Variants in MACROD2 observed in about 807,000 individuals in gnomAD.
MACROD2 encodes mono-ADP ribosylhydrolase 2, also known as ADP-ribose glycohydrolase MACROD2.
Under a neutral mutation model 70.4 loss-of-function variants are expected in MACROD2, and 36 were observed. That is an observed-to-expected ratio of 0.51 (90% CI 0.39 to 0.68). The LOEUF is 0.68. Ranked by LOEUF, MACROD2 falls within the 30% of genes least tolerant of loss-of-function variation. MACROD2 has a pLI of 0.00. For synonymous variants in MACROD2, 172 were observed against 178.8 expected (o/e 0.96, Z 0.30); for missense variants, 496 against 538.4 (o/e 0.92, Z 0.78).
In MACROD2 at chr20:15,341,700, C is replaced by T. The variant is rs147645101; in HGVS notation, c.541-89705C>T. Among the ~76,000 whole-genome samples the T allele has an allele frequency of 7.2e-5, 11 of 152,146 alleles. No individual in the cohort carries two copies. The East Asian group carries it at 1.9e-3, about 27-fold the overall frequency. ...ATATTTCAGCTTTCCCTAGTATTGA[C>T]TAGTAGATTCTTACTGAGAAAAAAA... is the stretch of plus-strand genomic sequence containing the variant. On this transcript the variant is annotated intron_variant, in intron 6 of 17. Transcript: ENST00000684519.
chr20:14,461,414 G>A (rs1190077873), intron 3 of MACROD2, among the ~76,000 whole-genome samples: 1 of 151,192 alleles, frequency 6.6e-6, no homozygotes, highest in Non-Finnish European at 1.5e-5. Flanking sequence ...AGTTTTTCTT[G>A]TCTTTCTCTC....
intron 8 of MACROD2, among the ~76,000 whole-genome samples, chr20:15,551,030 T>G (rs2146587040): frequency 6.6e-6 from 1 of 152,340 alleles, no homozygotes; most frequent in Non-Finnish European, 1.5e-5. Flanking sequence ...TCAGATTCAC[T>G]TAAAAGAAAG....
chr20:14,882,596 A>G (rs915608346), intron 5 of MACROD2, among the ~76,000 whole-genome samples: 7 of 152,208 alleles, frequency 4.6e-5, no homozygotes, highest in African/African-American at 1.4e-4. Flanking sequence ...TGCTCCTTCC[A>G]ATAAAATGCT....
At chr20:15,562,828 G>A (rs1419367011) in intron 8 of MACROD2, among the ~76,000 whole-genome samples, 1 of 152,178 alleles carries the variant, frequency 6.6e-6, no homozygotes, top group Non-Finnish European at 1.5e-5. Flanking sequence ...AATAAGATGG[G>A]TCAGATGGAT....
chr20:14,430,577 C>T (rs2083984358), intron 3 of MACROD2, among the ~76,000 whole-genome samples: 2 of 152,114 alleles, frequency 1.3e-5, no homozygotes, highest in Admixed American at 1.3e-4. Context: ...AGAGGACGAA[C>T]ATATTTAAGT....
intron 3 of MACROD2, among the ~76,000 whole-genome samples, chr20:14,259,123 A>G (rs577457768): frequency 1.3e-5 from 2 of 152,204 alleles, no homozygotes; most frequent in African/African-American, 4.8e-5. Flanking sequence ...TTGTATTTTT[A>G]GTAGAGACGG....
chr20:14,070,727 T>C (rs1327336145), intron 2 of MACROD2, among the ~76,000 whole-genome samples: 1 of 152,166 alleles, frequency 6.6e-6, no homozygotes, highest in Non-Finnish European at 1.5e-5. Flanking sequence ...CTGATATCAT[T>C]AGACAACTTA....
At chr20:15,488,586 T>TG (rs2033060540) in intron 7 of MACROD2, among the ~76,000 whole-genome samples, 1 of 152,194 alleles carries the variant, frequency 6.6e-6, no homozygotes, top group African/African-American at 2.4e-5. Flanking sequence ...GAAGCCCCAC[T>TG]GGGGGGCTCC....
At chr20:15,775,627 A>T (rs577759115) in intron 8 of MACROD2, among the ~76,000 whole-genome samples, 1 of 152,096 alleles carries the variant, frequency 6.6e-6, no homozygotes, top group Non-Finnish European at 1.5e-5. Context: ...CCGTTTACAT[A>T]TGGAATAGCC....
At chr20:15,267,915 T>TGTTTG (rs1247279560) in intron 6 of MACROD2, among the ~76,000 whole-genome samples, 24 of 152,176 alleles carry the variant, frequency 1.6e-4, no homozygotes, top group African/African-American at 5.3e-4. Context: ...TTTGTTTGTT[T>TGTTTG]GTTTGTTTTG....
intron 3 of MACROD2, among the ~76,000 whole-genome samples, chr20:14,096,560 G>C (rs544982850): frequency 6.6e-6 from 1 of 151,832 alleles, no homozygotes; most frequent in East Asian, 1.9e-4. Flanking sequence ...GTAGAAATGG[G>C]GTTTTGCCAT....
chr20:15,680,403 A>T (rs2050144938), intron 8 of MACROD2, among the ~76,000 whole-genome samples: 1 of 152,210 alleles, frequency 6.6e-6, no homozygotes, highest in East Asian at 1.9e-4. Flanking sequence ...ACTAAACAAG[A>T]AACTATGAAG....
intron 4 of MACROD2, among the ~76,000 whole-genome samples, chr20:14,583,359 C>G (rs1237458416): frequency 2.0e-5 from 3 of 152,138 alleles, no homozygotes; most frequent in Non-Finnish European, 4.4e-5. Flanking sequence ...ACTCCCCAGC[C>G]TCTCATCATT....
At chr20:15,083,789 A>C (rs185784973) in intron 5 of MACROD2, among the ~76,000 whole-genome samples, 173 of 152,232 alleles carry the variant, frequency 1.1e-3, no homozygotes, top group African/African-American at 4.0e-3. Context: ...GAGAGGCATC[A>C]CTGTCTATGG....
At chr20:15,646,244 T>A (rs2049539060) in intron 8 of MACROD2, among the ~76,000 whole-genome samples, 1 of 152,208 alleles carries the variant, frequency 6.6e-6, no homozygotes, top group Non-Finnish European at 1.5e-5. Context: ...TTAAAATCTG[T>A]TGTCAGGACT....
At chr20:15,361,746 T>C (rs2078354016) in intron 6 of MACROD2, among the ~76,000 whole-genome samples, 1 of 152,198 alleles carries the variant, frequency 6.6e-6, no homozygotes. Context: ...TGGTGTTTTA[T>C]AGTTTTCAGC....
intron 5 of MACROD2, among the ~76,000 whole-genome samples, chr20:15,138,645 T>G (rs920307873): frequency 2.1e-4 from 32 of 152,192 alleles, no homozygotes; most frequent in Non-Finnish European, 3.7e-4. Flanking sequence ...TAGTGCATAC[T>G]GGGGGTGCTC....
intron 5 of MACROD2, among the ~76,000 whole-genome samples, chr20:15,190,194 T>A (rs1488960905): frequency 1.3e-5 from 2 of 152,192 alleles, no homozygotes; most frequent in African/African-American, 4.8e-5. Context: ...TAGATTCTCT[T>A]AACTTAATTT....
At chr20:14,149,090 G>A (rs1453660894) in intron 3 of MACROD2, among the ~76,000 whole-genome samples, 1 of 151,604 alleles carries the variant, frequency 6.6e-6, no homozygotes. Flanking sequence ...ATGGAGCATA[G>A]TACCCCCAAA....
Sources: gnomAD v4.1 joint callset for allele counts (sites outside exome capture counted in the v4.1 genomes callset) on GRCh38, gnomAD v4.1.1 for gene constraint, MANE v1.5 for transcripts, NCBI Gene and HGNC (gene_info 2026-07-23, HGNC 2026-07-21) for gene names.